Variants in CNTNAP2 observed in about 807,000 individuals in gnomAD.
CNTNAP2 encodes contactin associated protein 2.
In CNTNAP2, 98 loss-of-function variants were observed where a neutral mutation model predicts 155.2. The ratio of observed to expected loss-of-function variants is 0.63; its 90% CI spans 0.54 to 0.75. CNTNAP2 has a LOEUF of 0.75. Among genes scored for constraint, CNTNAP2 ranks in the 30% least tolerant of loss-of-function variants. The pLI is 0.00. For missense variants in CNTNAP2, 1,727 were observed against 1,688.1 expected, an observed-to-expected ratio of 1.02 and a Z score of -0.40; for synonymous variants, 651 against 631.2, an observed-to-expected ratio of 1.03 and a Z score of -0.47.
At chr7:148,382,192 G>A (rs529275277) in intron 21 of CNTNAP2, among the ~76,000 whole-genome samples, 3 of 152,316 alleles carry the variant, frequency 2.0e-5, no homozygotes, top group African/African-American at 7.2e-5. Context: ...CTCAGTGGAC[G>A]CTTCTGCCAA....
intron 8 of CNTNAP2, among the ~76,000 whole-genome samples, chr7:147,293,620 CA>C (rs1805358796): frequency 1.3e-5 from 2 of 152,108 alleles, no homozygotes. Flanking sequence ...CATTTTCTAA[CA>C]GATGTTACAT....
At chr7:146,582,747 T>A (rs1798630393) in intron 1 of CNTNAP2, among the ~76,000 whole-genome samples, 1 of 152,126 alleles carries the variant, frequency 6.6e-6, no homozygotes, top group Non-Finnish European at 1.5e-5. Flanking sequence ...TCACCTAGTA[T>A]ATTTAGGTTA....
chr7:148,155,190 T>G (rs182663503), intron 17 of CNTNAP2, among the ~76,000 whole-genome samples: 429 of 152,278 alleles, frequency 2.8e-3, no homozygotes, highest in African/African-American at 9.7e-3. Flanking sequence ...AGGTCGTGCA[T>G]TTAGGAAGAG....
chr7:148,069,631 G>C (rs1178641691), intron 15 of CNTNAP2, among the ~76,000 whole-genome samples: 1 of 151,900 alleles, frequency 6.6e-6, no homozygotes, highest in African/African-American at 2.4e-5. Flanking sequence ...ATGGTGGCGG[G>C]CGCCTGTAGT....
chr7:147,075,972 T>C (rs1433818900), intron 4 of CNTNAP2, among the ~76,000 whole-genome samples: 1 of 152,236 alleles, frequency 6.6e-6, no homozygotes, highest in East Asian at 1.9e-4. Flanking sequence ...CATCCTTTTT[T>C]ATGGCTGCGT....
At chr7:146,489,747 TTTA>T (rs1797111231) in intron 1 of CNTNAP2, among the ~76,000 whole-genome samples, 1 of 152,066 alleles carries the variant, frequency 6.6e-6, no homozygotes, top group African/African-American at 2.4e-5. Context: ...GGAGAGGAAT[TTTA>T]TTGAGCAAGG....
At chr7:146,513,353 T>G (rs1323359852) in intron 1 of CNTNAP2, among the ~76,000 whole-genome samples, 1 of 151,986 alleles carries the variant, frequency 6.6e-6, no homozygotes, top group East Asian at 1.9e-4. Context: ...TGTTTTCTGA[T>G]GTTTTGTAAC....
At chr7:146,159,724 A>G (rs1407399649) in intron 1 of CNTNAP2, among the ~76,000 whole-genome samples, 1 of 152,232 alleles carries the variant, frequency 6.6e-6, no homozygotes, top group Non-Finnish European at 1.5e-5. Flanking sequence ...ATACAGGAGC[A>G]CACAGATTCA....
intron 3 of CNTNAP2, among the ~76,000 whole-genome samples, chr7:146,906,389 C>A (rs1450167454): frequency 2.0e-5 from 3 of 152,140 alleles, no homozygotes; most frequent in Admixed American, 2.0e-4. Flanking sequence ...CCTCTGCAGA[C>A]TTAAATGTCC....
intron 3 of CNTNAP2, among the ~76,000 whole-genome samples, chr7:146,910,226 T>A (rs1337445676): frequency 6.9e-6 from 1 of 145,434 alleles, no homozygotes; most frequent in East Asian, 1.9e-4. Flanking sequence ...ATGGCCATAC[T>A]GCCCAAGGTA....
chr7:146,484,623 C>G (rs778419565), intron 1 of CNTNAP2, among the ~76,000 whole-genome samples: 1 of 151,440 alleles, frequency 6.6e-6, no homozygotes, highest in Non-Finnish European at 1.5e-5. Flanking sequence ...TCTCTGAAAC[C>G]GTATCAGAAA....
At chr7:147,963,051 C>CAA (rs1563150397) in intron 14 of CNTNAP2, among the ~76,000 whole-genome samples, 1 of 151,886 alleles carries the variant, frequency 6.6e-6, no homozygotes, top group African/African-American at 2.4e-5. Context: ...GCTTATAATA[C>CAA]AGTTATTATT....
At chr7:146,810,648 C>T (rs1279635922) in intron 2 of CNTNAP2, among the ~76,000 whole-genome samples, 2 of 151,736 alleles carry the variant, frequency 1.3e-5, no homozygotes, top group Admixed American at 6.6e-5. Flanking sequence ...AACCCAACTG[C>T]TCTAACTTGG....
chr7:148,001,471 T>C (rs750093403), intron 15 of CNTNAP2, among the ~76,000 whole-genome samples: 3 of 152,242 alleles, frequency 2.0e-5, no homozygotes, highest in Non-Finnish European at 4.4e-5. Context: ...CAATTTTTTT[T>C]CTAGTATCTT....
At chr7:146,867,088 G>C (rs1007750745) in intron 3 of CNTNAP2, among the ~76,000 whole-genome samples, 3 of 152,020 alleles carry the variant, frequency 2.0e-5, no homozygotes, top group Admixed American at 6.6e-5. Flanking sequence ...TGTCACAGGG[G>C]TTTGCTGTAA....
chr7:147,044,148 T>C (rs1799311854), intron 4 of CNTNAP2, 94 bp downstream of exon 4: 1 of 1,414,540 alleles, frequency 7.1e-7, no homozygotes, highest in African/African-American at 1.4e-5. Flanking sequence ...ACTTGCTTTC[T>C]CTGACAATAA....
chr7:147,546,518 G>A (rs1028208494), intron 11 of CNTNAP2, among the ~76,000 whole-genome samples: 2 of 152,136 alleles, frequency 1.3e-5, no homozygotes, highest in African/African-American at 2.4e-5. Flanking sequence ...AACTAAGACC[G>A]TTTACTTAGT....
chr7:146,768,240 C>T (rs1189574382), intron 1 of CNTNAP2, among the ~76,000 whole-genome samples: 2 of 151,708 alleles, frequency 1.3e-5, no homozygotes, highest in African/African-American at 2.4e-5. Context: ...ATGACTAAAA[C>T]TATCTTGAAT....
intron 2 of CNTNAP2, among the ~76,000 whole-genome samples, chr7:146,839,263 C>T (rs1803674312): frequency 6.6e-6 from 1 of 151,888 alleles, no homozygotes; most frequent in Non-Finnish European, 1.5e-5. Flanking sequence ...TACTTTACTT[C>T]ACAAGAAAAA....
Sources: allele counts gnomAD v4.1 joint callset (sites outside exome capture counted in the v4.1 genomes callset), GRCh38; gene constraint gnomAD v4.1.1; transcripts MANE v1.5; gene names NCBI Gene and HGNC (gene_info 2026-07-23, HGNC 2026-07-21).